Variants in HIF1A observed in about 807,000 individuals in gnomAD.
HIF1A encodes hypoxia inducible factor 1 subunit alpha.
In HIF1A, 24 loss-of-function variants were observed where a neutral mutation model predicts 92.7. That is an observed-to-expected ratio of 0.26 (90% CI 0.19 to 0.36). HIF1A has a LOEUF of 0.36. Ranked by LOEUF, HIF1A falls within the 10% of genes least tolerant of loss-of-function variation. HIF1A has a pLI of 1.00. For synonymous variants in HIF1A, 319 were observed against 338.7 expected (o/e 0.94, Z 0.64); for missense variants, 799 against 998.5 (o/e 0.80, Z 2.69).
At chr14:61,725,589 A>G (rs2044493974) in intron 4 of HIF1A, among the ~76,000 whole-genome samples, 1 of 151,934 alleles carries the variant, frequency 6.6e-6, no homozygotes, top group Non-Finnish European at 1.5e-5. Flanking sequence ...TGATATTTAT[A>G]TTTTTAGTAG....
intron 1 of HIF1A, chr14:61,698,952 T>G (rs1028275912): frequency 3.9e-5 from 6 of 152,206 alleles, no homozygotes; most frequent in Non-Finnish European, 8.8e-5. Flanking sequence ...TGGCAGTAAG[T>G]TAAAACATTT....
chr14:61,734,920 A>G (rs1238621867), intron 8 of HIF1A, among the ~76,000 whole-genome samples: 3 of 152,232 alleles, frequency 2.0e-5, no homozygotes. Context: ...TTTAAAAAAG[A>G]AAAGAAATTC....
chr14:61,736,049 G>A (rs546884983), intron 8 of HIF1A, among the ~76,000 whole-genome samples: 4 of 150,378 alleles, frequency 2.7e-5, no homozygotes, highest in Admixed American at 2.7e-4. Context: ...GCAGTGGCGT[G>A]ATCTTGGCTC....
chr14:61,743,883 T>C (rs1262123605), intron 12 of HIF1A, among the ~76,000 whole-genome samples: 1 of 151,982 alleles, frequency 6.6e-6, no homozygotes, highest in Non-Finnish European at 1.5e-5. Flanking sequence ...AGACCTAGAG[T>C]GTACTTCCAT....
chr14:61,700,404 TA>T (rs1314026051), intron 1 of HIF1A, among the ~76,000 whole-genome samples: 1 of 152,244 alleles, frequency 6.6e-6, no homozygotes, highest in Non-Finnish European at 1.5e-5. Context: ...TATAGGGTTT[TA>T]ATATTTTTGT....
rs754986249 is a variant in HIF1A, at chr14:61,747,030, G to A, written c.2426G>A (p.Ser809Asn). The A allele has an allele frequency of 2.5e-6, 4 of 1,613,664 alleles. No individual in the cohort carries two copies. The highest frequency in any genetic ancestry group is 3.4e-6 in the Non-Finnish European group (4 of 1,179,804). ...GAAGTTAATGCTCCTATACAAGGCA[G>A]CAGAAACCTACTGCAGGGTGAAGAA... ...DCEVNAPIQG[S>N]RNLLQGEELL... Residue 809 changes from serine (S) to asparagine (N), a missense_variant, in exon 15 of 15, where the codon AGC becomes AAC. Coordinates refer to ENST00000337138, the MANE Select transcript of HIF1A (RefSeq NM_001530.4).
Position 61,695,678 on chromosome 14 carries a change from C to T in HIF1A, c.-127C>T, listed in dbSNP as rs1206747815. On this transcript the variant is annotated 5_prime_UTR_variant, in exon 1 of 15. Transcript: ENST00000337138. ...TCTCTCTAGTCTCACGAGGGGTTTC[C>T]CGCCTCGCACCCCCACCTCTGGACT... 1.8e-5 allele frequency: 18 copies of T among 1,018,406 alleles called. No individual in the cohort carries two copies. The highest frequency in any genetic ancestry group is 2.6e-5 in the Non-Finnish European group (18 of 701,964). The allele number at this position is 1,018,406 out of a possible 1,614,324, so 63.1% of individuals were successfully genotyped here.
At chr14:61,719,993 T>C (rs1245201526) in intron 1 of HIF1A, among the ~76,000 whole-genome samples, 1 of 152,234 alleles carries the variant, frequency 6.6e-6, no homozygotes, top group African/African-American at 2.4e-5. Context: ...GTAGTTTCTC[T>C]AGCCTTAATC....
chr14:61,735,962 C>G (rs2044631501), intron 8 of HIF1A, among the ~76,000 whole-genome samples: 1 of 151,298 alleles, frequency 6.6e-6, no homozygotes, highest in Admixed American at 6.6e-5. Flanking sequence ...CATTACTACT[C>G]TTCTCAAAGG....
chr14:61,713,866 C>T (rs972847655), intron 1 of HIF1A, among the ~76,000 whole-genome samples: 5 of 152,078 alleles, frequency 3.3e-5, no homozygotes, highest in African/African-American at 7.2e-5. Flanking sequence ...GACACTGTCT[C>T]CAGGTAGATA....
Position 61,740,890 on chromosome 14 carries a change from G to T in HIF1A, c.1795G>T (p.Val599Phe). The change falls in exon 12 of 15, where the codon GTT becomes TTT. Residue 599 changes from valine to phenylalanine, a missense_variant. By Grantham distance (50) the Val-to-Phe change is conservative. This residue lies in a region of HIF1A where 283 missense variants were observed against 277.5 expected (regional missense o/e 1.02). Transcript: ENST00000337138. Reference protein sequence around the residue: ...SPESASPQSTVTVFQQTQIQE... With the variant: ...SPESASPQSTFTVFQQTQIQE... ...TGAAAGCGCAAGTCCTCAAAGCACA[G>T]TTACAGTATTCCAGCAGACTCAAAT... 1 of 1,614,176 alleles carries T rather than the reference G, an allele frequency of 6.2e-7. No individual in the cohort carries two copies. The highest frequency in any genetic ancestry group is 8.5e-7 in the Non-Finnish European group (1 of 1,180,028).
intron 4 of HIF1A, among the ~76,000 whole-genome samples, chr14:61,724,337 G>GAC (rs201515128): frequency 0.066 from 3,560 of 54,330 alleles, 79 homozygotes; most frequent in Non-Finnish European, 0.11. Context: ...ACACACACAC[G>GAC]ACACACACAC....
At chr14:61,705,997 C>T (rs2044235809) in intron 1 of HIF1A, among the ~76,000 whole-genome samples, 2 of 152,048 alleles carry the variant, frequency 1.3e-5, no homozygotes, top group African/African-American at 2.4e-5. Flanking sequence ...ATTATTTATG[C>T]ATCTTCTATT....
At chr14:61,703,531 C>T (rs2044201332) in intron 1 of HIF1A, among the ~76,000 whole-genome samples, 1 of 151,898 alleles carries the variant, frequency 6.6e-6, no homozygotes, top group Non-Finnish European at 1.5e-5. Context: ...TATTTGCATG[C>T]TGGCCTTACT....
chr14:61,699,385 G>C (rs960977099), intron 1 of HIF1A, among the ~76,000 whole-genome samples: 3 of 151,564 alleles, frequency 2.0e-5, no homozygotes, highest in Non-Finnish European at 2.9e-5. Context: ...TTTAGATTTT[G>C]TGGTTACATT....
chr14:61,746,812 G>A, intron 14 of HIF1A, 122 bp from the exon 15 acceptor site: 1 of 686,014 alleles, frequency 1.5e-6, no homozygotes. Context: ...GTTTTGCCAG[G>A]TAAACTAAAA....
chr14:61,738,137 G>A lies in HIF1A; in HGVS notation c.1300G>A (p.Val434Ile), dbSNP rs1349399903. Reference protein sequence around the residue: ...QLEEVPLYNDVMLPSPNEKLQ... With the variant: ...QLEEVPLYNDIMLPSPNEKLQ... ...TGAGGAAGTACCATTATATAATGAT[G>A]TAATGCTCCCCTCACCCAACGAAAA... Residue 434 changes from valine (V) to isoleucine (I), a missense_variant, in exon 10 of 15, where the codon GTA becomes ATA. Around this residue, in one of 2 missense-constraint regions of HIF1A, gnomAD observed 516 missense variants for 721.0 expected, o/e 0.72. Transcript: ENST00000337138. 6.2e-7 allele frequency: 1 copy of A among 1,613,264 alleles called. No homozygotes were observed. The highest frequency in any genetic ancestry group is 8.5e-7 in the Non-Finnish European group (1 of 1,179,480).
At chr14:61,717,690 A>G (rs1027676240) in intron 1 of HIF1A, among the ~76,000 whole-genome samples, 1 of 152,212 alleles carries the variant, frequency 6.6e-6, no homozygotes, top group African/African-American at 2.4e-5. Context: ...TACGTGTATT[A>G]CAGAGGAACT....
chr14:61,722,277 A>G lies in HIF1A; in HGVS notation c.457+454A>G, dbSNP rs1416529110. ...ATTTTTAAAAATTATTTGTAGAGAC[A>G]AAGTCTCACTATGCTGCTCAGGCTG... On this transcript the variant is annotated intron_variant, in intron 4 of 14. Coordinates refer to ENST00000337138, the MANE Select transcript of HIF1A (RefSeq NM_001530.4). Among the ~76,000 whole-genome samples, 5 of 152,258 alleles carry G rather than the reference A, an allele frequency of 3.3e-5. No individual in the cohort carries two copies. The South Asian group carries it at 6.2e-4, about 19-fold the overall frequency.
Sources: allele counts gnomAD v4.1 joint callset (sites outside exome capture counted in the v4.1 genomes callset), GRCh38; gene constraint gnomAD v4.1.1; regional missense constraint gnomAD v4.1.1; transcripts MANE v1.5; gene names NCBI Gene and HGNC (gene_info 2026-07-23, HGNC 2026-07-21).